The following DNER variants were observed in gnomAD, a reference collection of about 807,000 sequenced individuals.
DNER encodes the protein delta and Notch-like epidermal growth factor-related receptor.
Under a neutral mutation model 78.2 loss-of-function variants are expected in DNER, and 33 were observed. That is an observed-to-expected ratio of 0.42 (90% CI 0.32 to 0.56). The LOEUF is 0.56. DNER is among the 20% of genes least tolerant of loss of function. The pLI, the probability that DNER is intolerant of heterozygous loss-of-function variation, is 0.11. For synonymous variants in DNER, 417 were observed against 384.8 expected, an observed-to-expected ratio of 1.08 and a Z score of -0.98; for missense variants, 918 against 975.3, an observed-to-expected ratio of 0.94 and a Z score of 0.78.
At chr2:229,625,107 A>C (rs1290718458) in intron 1 of DNER, among the ~76,000 whole-genome samples, 3 of 152,180 alleles carry the variant, frequency 2.0e-5, no homozygotes, top group Non-Finnish European at 4.4e-5. Context: ...TATTTCTTTA[A>C]AATAAACCCC....
rs1341527121 is a variant in DNER at position 229,357,915 on chromosome 2, G to T, written c.*625C>A. On this transcript the variant is annotated 3_prime_UTR_variant, in exon 13 of 13. Coordinates refer to ENST00000341772, the MANE Select transcript of DNER (RefSeq NM_139072.4). ...TTGCCTCGCTAGGCCTTTTCGTTAC[G>T]TATGTTTTTGAGGCCTAGTTCGACG... 1 of 152,546 alleles carries T rather than the reference G, an allele frequency of 6.6e-6. No individual in the cohort carries two copies. Among genetic ancestry groups the T allele is most frequent in the African/African-American group, 2.4e-5 (1 of 41,408 alleles). 9.4% of individuals were successfully genotyped at this position (152,546 alleles called of 1,614,324 possible).
chr2:229,446,832 C>A (rs1237185973), intron 8 of DNER, among the ~76,000 whole-genome samples: 5 of 152,178 alleles, frequency 3.3e-5, no homozygotes, highest in Non-Finnish European at 7.3e-5. Context: ...CATAGAGTAA[C>A]AATTTTAATA....
chr2:229,621,573 T>G (rs1257761426), intron 1 of DNER, among the ~76,000 whole-genome samples: 1 of 151,256 alleles, frequency 6.6e-6, no homozygotes, highest in Non-Finnish European at 1.5e-5. Context: ...CTTTGGTTTT[T>G]TTTTTAACCT....
intron 1 of DNER, among the ~76,000 whole-genome samples, chr2:229,697,618 T>C (rs1173735028): frequency 1.3e-5 from 2 of 152,244 alleles, no homozygotes; most frequent in African/African-American, 4.8e-5. Flanking sequence ...ATTAACTGTC[T>C]ACTTCAATAT....
chr2:229,712,138 G>A (rs1699921542), intron 1 of DNER, among the ~76,000 whole-genome samples: 1 of 152,180 alleles, frequency 6.6e-6, no homozygotes, highest in Admixed American at 6.5e-5. Flanking sequence ...TATTGCTTCT[G>A]CTCAGGTGGA....
chr2:229,531,729 A>G (rs1042701193), intron 5 of DNER, among the ~76,000 whole-genome samples: 3 of 152,270 alleles, frequency 2.0e-5, no homozygotes, highest in Non-Finnish European at 2.9e-5. Context: ...TAGCAGCATT[A>G]ACCACAATAG....
intron 12 of DNER, among the ~76,000 whole-genome samples, chr2:229,363,102 G>A (rs1364779842): frequency 1.3e-5 from 2 of 152,190 alleles, no homozygotes; most frequent in African/African-American, 4.8e-5. Flanking sequence ...GCTCCTGCTG[G>A]TCAGTTACAA....
intron 1 of DNER, among the ~76,000 whole-genome samples, chr2:229,672,473 T>G (rs1437333034): frequency 1.3e-4 from 17 of 127,890 alleles, no homozygotes; most frequent in South Asian, 2.5e-4. Context: ...AAGGGAGGGA[T>G]GGAGAGGGGA....
At chr2:229,671,762 G>A (rs115854929) in intron 1 of DNER, among the ~76,000 whole-genome samples, 1,860 of 152,272 alleles carry the variant, frequency 0.012, 20 homozygotes, top group Middle Eastern at 0.024. Flanking sequence ...GTTTGATCTG[G>A]GCAGATAACA....
chr2:229,432,298 A>C (rs1694022749), intron 8 of DNER, among the ~76,000 whole-genome samples: 1 of 152,164 alleles, frequency 6.6e-6, no homozygotes, highest in African/African-American at 2.4e-5. Context: ...AGGTAGACAT[A>C]CACCCTCACA....
intron 2 of DNER, among the ~76,000 whole-genome samples, chr2:229,590,688 G>A (rs1421307232): frequency 2.0e-5 from 3 of 152,210 alleles, no homozygotes; most frequent in Non-Finnish European, 2.9e-5. Flanking sequence ...GTGAGAAGAC[G>A]CGGGCTGTGA....
chr2:229,709,000 T>C (rs1699870020), intron 1 of DNER, among the ~76,000 whole-genome samples: 1 of 152,228 alleles, frequency 6.6e-6, no homozygotes, highest in Non-Finnish European at 1.5e-5. Flanking sequence ...AGTACACATT[T>C]ATAAAAAGTT....
chr2:229,460,605 A>G (rs1469673251), intron 7 of DNER, among the ~76,000 whole-genome samples: 1 of 152,084 alleles, frequency 6.6e-6, no homozygotes, highest in African/African-American at 2.4e-5. Flanking sequence ...TGATGACATT[A>G]TAAATTTTCA....
intron 1 of DNER, among the ~76,000 whole-genome samples, chr2:229,649,680 A>AAGGAGGGTTTTGTATTCATCAAATAAATT: frequency 6.6e-6 from 1 of 152,294 alleles, no homozygotes; most frequent in South Asian, 2.1e-4. Context: ...AACCTACAAC[A>AAGGAGGGTTTTGTATTCATCAAATAAATT]TGATGAAAAT....
intron 1 of DNER, among the ~76,000 whole-genome samples, chr2:229,626,005 C>T (rs1328917492): frequency 2.0e-5 from 3 of 152,140 alleles, no homozygotes; most frequent in South Asian, 2.1e-4. Flanking sequence ...CTGCAAGCTC[C>T]GCCTCCCGGG....
intron 1 of DNER, among the ~76,000 whole-genome samples, chr2:229,598,477 A>C (rs942552558): frequency 3.3e-5 from 5 of 152,180 alleles, no homozygotes; most frequent in Non-Finnish European, 7.3e-5. Context: ...TCGGCTCATC[A>C]ATTGCTTGCC....
intron 7 of DNER, among the ~76,000 whole-genome samples, chr2:229,465,825 T>G (rs1694793104): frequency 6.6e-6 from 1 of 152,128 alleles, no homozygotes; most frequent in African/African-American, 2.4e-5. Flanking sequence ...GTCATCTGCA[T>G]TTTAGAGGGA....
intron 6 of DNER, among the ~76,000 whole-genome samples, chr2:229,501,863 T>G (rs890129138): frequency 3.9e-5 from 6 of 152,272 alleles, no homozygotes; most frequent in Non-Finnish European, 8.8e-5. Flanking sequence ...GGAAAAATAA[T>G]TGGTTCAAGG....
At chr2:229,393,162 TCA>T (rs1435377774) in intron 10 of DNER, among the ~76,000 whole-genome samples, 2 of 152,196 alleles carry the variant, frequency 1.3e-5, no homozygotes, top group Non-Finnish European at 2.9e-5. Context: ...GACTAGTGAC[TCA>T]CACCTGTAAT....
Sources: allele counts gnomAD v4.1 joint callset (sites outside exome capture counted in the v4.1 genomes callset), GRCh38; gene constraint gnomAD v4.1.1; transcripts MANE v1.5; gene names NCBI Gene and HGNC (gene_info 2026-07-23, HGNC 2026-07-21).